The following KRT25 variants were observed in gnomAD, a reference collection of about 807,000 sequenced individuals.
KRT25 encodes keratin 25, also known as keratin, type I cytoskeletal 25.
Under a neutral mutation model 47.6 loss-of-function variants are expected in KRT25, and 37 were observed. That is an observed-to-expected ratio of 0.78 (90% CI 0.60 to 1.02). The LOEUF is 1.02. Among genes scored for constraint, KRT25 ranks in the 50% least tolerant of loss-of-function variants. KRT25 has a pLI of 0.00. For synonymous variants in KRT25, 203 were observed against 210.2 expected (o/e 0.97, Z 0.30); for missense variants, 542 against 550.3 (o/e 0.98, Z 0.15).
chr17:40,751,883 CGTGT>C (rs71152701), intron 3 of KRT25, among the ~76,000 whole-genome samples: 4,428 of 148,986 alleles, frequency 0.03, 204 homozygotes, highest in African/African-American at 0.093. Context: ...TGTGTGCGTG[CGTGT>C]GTGTGTGTGT....
chr17:40,753,767 C>T (rs1337469478), intron 3 of KRT25, 93 bp downstream of exon 3: 2 of 799,094 alleles, frequency 2.5e-6, no homozygotes, highest in African/African-American at 3.8e-5. Context: ...GTCTTCAGCA[C>T]CAACTTTTTA....
intron 3 of KRT25, among the ~76,000 whole-genome samples, chr17:40,751,683 T>C (rs1232365153): frequency 6.6e-6 from 1 of 152,252 alleles, no homozygotes; most frequent in African/African-American, 2.4e-5. Context: ...TTAAAATGAA[T>C]GGTCCTCCAT....
rs2038025346 is a variant in KRT25 at position 40,749,337 on chromosome 17, T to G, written c.1176-12A>C. On this transcript the variant is annotated splice_polypyrimidine_tract_variant and intron_variant, in intron 6 of 7. Coordinates refer to ENST00000312150, the MANE Select transcript of KRT25 (RefSeq NM_181534.4). ...CAGACTTACAGGCTCTGTGAAAACA[T>G]CGCAAAAGAGGGTGATTTAGAGAGA... The G allele has an allele frequency of 1.2e-6, 2 of 1,604,956 alleles. No individual in the cohort carries two copies. The highest frequency in any genetic ancestry group is 1.7e-6 in the Non-Finnish European group (2 of 1,171,992).
At chr17:40,751,912 G>A (rs1412644215) in intron 3 of KRT25, among the ~76,000 whole-genome samples, 1 of 147,110 alleles carries the variant, frequency 6.8e-6, no homozygotes, top group African/African-American at 2.5e-5. Context: ...GTGTGTGTGT[G>A]TACCCCTCAG....
intron 5 of KRT25, 124 bp from the exon 6 acceptor site, chr17:40,750,721 A>G: frequency 7.1e-7 from 1 of 1,411,346 alleles, no homozygotes; most frequent in Non-Finnish European, 9.7e-7. Context: ...ATGGACACAT[A>G]GTTAAGACTC....
At position 40,753,892 on chromosome 17, in the gene KRT25, C is replaced by T. The variant is rs746534406; in HGVS notation, c.637G>A (p.Glu213Lys). Residue 213 changes from glutamate (E) to lysine (K), a missense_variant, in exon 3 of 8, where the codon GAG becomes AAG. Transcript: ENST00000312150. Reference sequence around the variant, plus strand: ...TGGTTCTTTTTGAGGTAAGTCATCTCCTCACTCAGGGTTTCATACTGAATC... The same window carrying T: ...TGGTTCTTTTTGAGGTAAGTCATCTTCTCACTCAGGGTTTCATACTGAATC... Reference protein sequence around the residue: ...LEIQYETLSEEMTYLKKNHKE... With the variant: ...LEIQYETLSEKMTYLKKNHKE... 2.5e-6 allele frequency: 4 copies of T among 1,613,842 alleles called. No individual in the cohort carries two copies. Among genetic ancestry groups the T allele is most frequent in the Admixed American group, 1.7e-5 (1 of 59,984 alleles).
intron 3 of KRT25, among the ~76,000 whole-genome samples, chr17:40,752,943 A>G (rs549027203): frequency 6.6e-6 from 1 of 152,356 alleles, no homozygotes; most frequent in Non-Finnish European, 1.5e-5. Flanking sequence ...AAGCAATCCT[A>G]AAGATGTAAT....
intron 3 of KRT25, 22 bp from the exon 4 acceptor site, chr17:40,751,348 G>A: frequency 6.3e-7 from 1 of 1,589,944 alleles, no homozygotes; most frequent in African/African-American, 1.3e-5. Flanking sequence ...AAAGTGTTCT[G>A]CTCAGCTCTG....
chr17:40,753,624 C>A (rs1275504866), intron 3 of KRT25, among the ~76,000 whole-genome samples: 2 of 128,946 alleles, frequency 1.6e-5, no homozygotes, highest in Admixed American at 2.0e-4. Flanking sequence ...GCGGAGCTTG[C>A]AGTGAGCCAA....
intron 3 of KRT25, among the ~76,000 whole-genome samples, chr17:40,752,880 A>C (rs1288431624): frequency 6.6e-6 from 1 of 152,202 alleles, no homozygotes; most frequent in Non-Finnish European, 1.5e-5. Flanking sequence ...TAAAATATCA[A>C]ATTTATTTTC....
chr17:40,754,118 T>A, intron 2 of KRT25, 102 bp from the exon 3 acceptor site: 1 of 1,214,356 alleles, frequency 8.2e-7, no homozygotes, highest in East Asian at 2.3e-5. Context: ...TTTTGAAGAT[T>A]TGGCCACAAG....
intron 7 of KRT25, 99 bp from the exon 8 acceptor site, chr17:40,748,485 T>C (rs2038016817): frequency 2.7e-6 from 2 of 731,860 alleles, no homozygotes; most frequent in Non-Finnish European, 4.4e-6. Flanking sequence ...AGAATGAACT[T>C]TGCACTAAGC....
chr17:40,751,476 C>T lies in KRT25; in HGVS notation c.670-150G>A, dbSNP rs183355031. 1,574 of 798,700 alleles carry T rather than the reference C, an allele frequency of 2.0e-3. 6 individuals carry two copies. The highest frequency in any genetic ancestry group is 2.5e-3 in the South Asian group (120 of 47,914). 49.5% of individuals were successfully genotyped at this position (798,700 alleles called of 1,614,324 possible). On this transcript the variant is annotated intron_variant, in intron 3 of 7. Coordinates refer to ENST00000312150, the MANE Select transcript of KRT25 (RefSeq NM_181534.4). Reference sequence around the variant, plus strand: ...CCCACCACATTTGATACTTCCTGTCCCGTTGACCTAATTCTCAAAGACGGT... The same window carrying T: ...CCCACCACATTTGATACTTCCTGTCTCGTTGACCTAATTCTCAAAGACGGT...
At chr17:40,748,814 A>G (rs902206470) in intron 7 of KRT25, among the ~76,000 whole-genome samples, 1 of 152,204 alleles carries the variant, frequency 6.6e-6, no homozygotes, top group African/African-American at 2.4e-5. Flanking sequence ...ATCAACCTAA[A>G]TGCCCATCAG....
Position 40,753,930 on chromosome 17 carries a change from C to G in KRT25, c.599G>C (p.Arg200Thr), listed in dbSNP as rs1304974352. The change falls in exon 3 of 8, where the codon AGA becomes ACA. Residue 200 changes from arginine (R) to threonine (T), a missense_variant. Transcript: ENST00000312150. Reference sequence around the variant, plus strand: ...TTCATACTGAATCTCCAGATCTGTTCTGCACAGGGTTATTTCATCCAAAAC... The same window carrying G: ...TTCATACTGAATCTCCAGATCTGTTGTGCACAGGGTTATTTCATCCAAAAC... The part of the protein sequence containing the change: ...RRVLDEITLC[R>T]TDLEIQYETL... The G allele has an allele frequency of 1.2e-6, 2 of 1,614,008 alleles. No homozygotes were observed. Among genetic ancestry groups the G allele is most frequent in the Admixed American group, 3.3e-5 (2 of 60,014 alleles).
At chr17:40,749,917 G>C (rs1279467459) in intron 6 of KRT25, among the ~76,000 whole-genome samples, 1 of 152,106 alleles carries the variant, frequency 6.6e-6, no homozygotes, top group African/African-American at 2.4e-5. Flanking sequence ...GCCAAGGGAA[G>C]TGGGGCACAG....
At chr17:40,754,252 A>G in intron 2 of KRT25, 134 bp downstream of exon 2, 2 of 811,952 alleles carry the variant, frequency 2.5e-6, no homozygotes, top group Non-Finnish European at 4.0e-6. Context: ...TAATAGTCAA[A>G]GCATAAAAAA....
Position 40,751,312 on chromosome 17 carries a change from C to T in KRT25, c.684G>A (p.Leu228=). 1 of 1,610,520 alleles carries T rather than the reference C, an allele frequency of 6.2e-7. No homozygotes were observed. The highest frequency in any genetic ancestry group is 8.5e-7 in the Non-Finnish European group (1 of 1,178,542). The change falls in exon 4 of 8, where the codon CTG becomes CTA. Residue 228 remains leucine, a synonymous_variant. Transcript: ENST00000312150. ...TCACGTTGCCTCCAGCTGCGCACTG[C>T]AGAACTTGCATTTCCTAGAGGCAGA... is the stretch of plus-strand genomic sequence containing the variant. ...KKNHKEEMQV[L]QCAAGGNVNV...
At chr17:40,754,566 C>T in intron 1 of KRT25, 98 bp from the exon 2 acceptor site, 1 of 1,132,398 alleles carries the variant, frequency 8.8e-7, no homozygotes, top group Non-Finnish European at 1.3e-6. Flanking sequence ...TAAGAAATCA[C>T]AAGTAGGAGG....
Sources: gnomAD v4.1 joint callset for allele counts (sites outside exome capture counted in the v4.1 genomes callset) on GRCh38, gnomAD v4.1.1 for gene constraint, MANE v1.5 for transcripts, NCBI Gene and HGNC (gene_info 2026-07-23, HGNC 2026-07-21) for gene names.